The following MAGI1 variants were observed in gnomAD, a reference collection of about 807,000 sequenced individuals.
MAGI1 encodes the protein membrane-associated guanylate kinase, WW and PDZ domain-containing protein 1.
A neutral mutation model predicts 139.9 loss-of-function variants in MAGI1; 58 were observed. The ratio of observed to expected loss-of-function variants is 0.41; its 90% CI spans 0.34 to 0.52. The LOEUF is 0.52. MAGI1 is among the 20% of genes least tolerant of loss of function. The pLI is 0.12. For missense variants in MAGI1, 1,874 were observed against 1,901.6 expected (o/e 0.99, Z 0.27); for synonymous variants, 812 against 737.9 (o/e 1.10, Z -1.63).
chr3:65,358,945 T>C, intron 22 of MAGI1: 1 of 927,794 alleles, frequency 1.1e-6, no homozygotes, highest in Non-Finnish European at 1.7e-6. Flanking sequence ...GTACTTACAA[T>C]TCAAAGAACG....
chr3:65,375,123 A>G (rs961919647), intron 18 of MAGI1, among the ~76,000 whole-genome samples: 5 of 152,058 alleles, frequency 3.3e-5, no homozygotes, highest in African/African-American at 2.4e-5. Context: ...ACTATTTTAT[A>G]GTGTTGAAGA....
At chr3:65,904,474 C>T (rs1193247895) in intron 1 of MAGI1, among the ~76,000 whole-genome samples, 1 of 152,102 alleles carries the variant, frequency 6.6e-6, no homozygotes, top group Non-Finnish European at 1.5e-5. Flanking sequence ...TGACCACGGC[C>T]TTCAGGGCCC....
intron 1 of MAGI1, among the ~76,000 whole-genome samples, chr3:65,742,102 T>C (rs1011919293): frequency 3.3e-5 from 5 of 152,162 alleles, no homozygotes; most frequent in African/African-American, 1.2e-4. Flanking sequence ...TATATCAAAA[T>C]GCTTAGAATT....
chr3:65,825,942 C>G (rs185323618), intron 1 of MAGI1, among the ~76,000 whole-genome samples: 3 of 152,046 alleles, frequency 2.0e-5, no homozygotes, highest in African/African-American at 7.2e-5. Flanking sequence ...GAGCCAAGAT[C>G]GTGCCACGCA....
intron 1 of MAGI1, among the ~76,000 whole-genome samples, chr3:65,974,501 C>A (rs922856886): frequency 2.6e-5 from 4 of 152,030 alleles, no homozygotes; most frequent in African/African-American, 9.7e-5. Context: ...TAACAAGTAA[C>A]CCCAGTCTTA....
At chr3:65,790,172 G>A (rs898175938) in intron 1 of MAGI1, among the ~76,000 whole-genome samples, 8 of 152,008 alleles carry the variant, frequency 5.3e-5, no homozygotes, top group South Asian at 2.1e-4. Flanking sequence ...CCGATTTCAC[G>A]AAATAAACCC....
At chr3:65,468,757 G>T (rs1369552120) in intron 5 of MAGI1, among the ~76,000 whole-genome samples, 1 of 151,710 alleles carries the variant, frequency 6.6e-6, no homozygotes, top group Non-Finnish European at 1.5e-5. Context: ...AATTTTCATT[G>T]TTTTTTCTAA....
chr3:65,663,903 A>G (rs2086350487), intron 1 of MAGI1, among the ~76,000 whole-genome samples: 1 of 152,206 alleles, frequency 6.6e-6, no homozygotes, highest in African/African-American at 2.4e-5. Context: ...CCCACTGTGA[A>G]CCACTGACCT....
At chr3:65,636,298 G>A (rs1412579989) in intron 1 of MAGI1, among the ~76,000 whole-genome samples, 1 of 152,100 alleles carries the variant, frequency 6.6e-6, no homozygotes, top group African/African-American at 2.4e-5. Flanking sequence ...GTGGTACATA[G>A]TGCTCTTATT....
chr3:66,000,222 C>A (rs562599588), intron 1 of MAGI1, among the ~76,000 whole-genome samples: 1 of 151,940 alleles, frequency 6.6e-6, no homozygotes, highest in African/African-American at 2.4e-5. Flanking sequence ...GTGATCTGCC[C>A]GCCTCGGCCT....
intron 1 of MAGI1, among the ~76,000 whole-genome samples, chr3:65,849,256 C>T (rs551300643): frequency 6.6e-6 from 1 of 151,016 alleles, no homozygotes; most frequent in Admixed American, 6.6e-5. Context: ...AACTCCTGAC[C>T]TCAGGTGATC....
At chr3:65,451,519 T>A (rs1343387471) in intron 6 of MAGI1, among the ~76,000 whole-genome samples, 3 of 152,180 alleles carry the variant, frequency 2.0e-5, no homozygotes, top group African/African-American at 7.2e-5. Flanking sequence ...TGGAGATACT[T>A]GTGTAATATA....
At chr3:65,413,120 C>T (rs1023850149) in intron 12 of MAGI1, among the ~76,000 whole-genome samples, 1 of 152,150 alleles carries the variant, frequency 6.6e-6, no homozygotes, top group African/African-American at 2.4e-5. Context: ...AGGGCAAATC[C>T]ATGAATCTCT....
At chr3:65,516,291 T>G (rs376068240) in intron 2 of MAGI1, among the ~76,000 whole-genome samples, 5 of 152,228 alleles carry the variant, frequency 3.3e-5, no homozygotes, top group African/African-American at 1.2e-4. Context: ...GCGATTCCCC[T>G]GCCTCAGCCT....
chr3:65,374,464 T>C (rs1942309289), intron 18 of MAGI1, among the ~76,000 whole-genome samples: 3 of 152,110 alleles, frequency 2.0e-5, no homozygotes, highest in African/African-American at 4.8e-5. Flanking sequence ...ACTACAGGCA[T>C]GTGCCACCAC....
intron 12 of MAGI1, among the ~76,000 whole-genome samples, chr3:65,426,682 T>C (rs911356730): frequency 3.3e-5 from 5 of 152,160 alleles, no homozygotes; most frequent in African/African-American, 9.7e-5. Context: ...GAAGAGATGA[T>C]TAAATGTCAG....
intron 1 of MAGI1, among the ~76,000 whole-genome samples, chr3:66,011,836 CA>C (rs74963127): frequency 0.012 from 1,159 of 98,916 alleles, 8 homozygotes; most frequent in African/African-American, 0.028. Flanking sequence ...TATGCTGAAC[CA>C]AAAAAAAAAA....
At chr3:65,915,485 T>C (rs1208889355) in intron 1 of MAGI1, among the ~76,000 whole-genome samples, 1 of 152,210 alleles carries the variant, frequency 6.6e-6, no homozygotes, top group East Asian at 1.9e-4. Context: ...CACTGGCTGC[T>C]TTCTCCTACA....
intron 1 of MAGI1, among the ~76,000 whole-genome samples, chr3:65,697,454 A>T (rs1240853689): frequency 7.0e-6 from 1 of 143,472 alleles, no homozygotes; most frequent in Admixed American, 6.9e-5. Flanking sequence ...TCCTTGATGA[A>T]CATTGATGCA....
Sources: gnomAD v4.1 joint callset for allele counts (sites outside exome capture counted in the v4.1 genomes callset) on GRCh38, gnomAD v4.1.1 for gene constraint, MANE v1.5 for transcripts, NCBI Gene and HGNC (gene_info 2026-07-23, HGNC 2026-07-21) for gene names.